The following FAM78B variants were observed in gnomAD, a reference collection of about 807,000 sequenced individuals.
The protein encoded by FAM78B is family with sequence similarity 78 member B.
Under a neutral mutation model 20.0 loss-of-function variants are expected in FAM78B, and 10 were observed. The observed-to-expected ratio is 0.50, with a 90% CI of 0.31 to 0.85. The LOEUF (loss-of-function observed/expected upper bound fraction) is 0.85. Ranked by LOEUF, FAM78B falls within the 40% of genes least tolerant of loss-of-function variation. The pLI is 0.05. For missense variants in FAM78B, 283 were observed against 345.0 expected, an observed-to-expected ratio of 0.82 and a Z score of 1.42; for synonymous variants, 135 against 132.8, an observed-to-expected ratio of 1.02 and a Z score of -0.12.
At chr1:166,073,538 T>TC (rs1652139300) in intron 1 of FAM78B, among the ~76,000 whole-genome samples, 1 of 106,286 alleles carries the variant, frequency 9.4e-6, no homozygotes, top group Non-Finnish European at 2.0e-5. Context: ...CTTTCTCTCT[T>TC]TTTTTTTTTT....
At chr1:166,103,971 C>T (rs910990617) in intron 1 of FAM78B, among the ~76,000 whole-genome samples, 7 of 152,100 alleles carry the variant, frequency 4.6e-5, no homozygotes, top group Non-Finnish European at 8.8e-5. Flanking sequence ...ACTGGCAAAC[C>T]GAATCCAGCA....
intron 1 of FAM78B, among the ~76,000 whole-genome samples, chr1:166,085,591 C>A (rs1652797001): frequency 6.6e-6 from 1 of 152,220 alleles, no homozygotes; most frequent in Non-Finnish European, 1.5e-5. Context: ...ATGAATGAAC[C>A]AGGGCAGGTC....
At chr1:166,093,368 G>T (rs1653153642) in intron 1 of FAM78B, among the ~76,000 whole-genome samples, 1 of 152,136 alleles carries the variant, frequency 6.6e-6, no homozygotes, top group Admixed American at 6.5e-5. Context: ...TCCAAGCAGA[G>T]GTTCCAAGTT....
At chr1:166,142,495 G>C (rs1655316470) in intron 1 of FAM78B, among the ~76,000 whole-genome samples, 1 of 152,178 alleles carries the variant, frequency 6.6e-6, no homozygotes. Context: ...GTGCACAATG[G>C]GATTCCTCCC....
intron 1 of FAM78B, among the ~76,000 whole-genome samples, chr1:166,076,760 G>A (rs943825930): frequency 5.4e-4 from 83 of 152,300 alleles, no homozygotes; most frequent in African/African-American, 1.7e-3. Context: ...AGTGAAAGAT[G>A]AGTGGAGACC....
chr1:166,116,010 C>T (rs1174594363), intron 1 of FAM78B, among the ~76,000 whole-genome samples: 1 of 152,212 alleles, frequency 6.6e-6, no homozygotes, highest in African/African-American at 2.4e-5. Context: ...TCCTACAGAC[C>T]TGTGACTGTG....
intron 1 of FAM78B, among the ~76,000 whole-genome samples, chr1:166,124,085 C>A (rs931023416): frequency 6.6e-6 from 1 of 152,170 alleles, no homozygotes; most frequent in Non-Finnish European, 1.5e-5. Flanking sequence ...TATGCCCCAC[C>A]CCGAGGCTGC....
At chr1:166,060,507 G>C (rs1011329661) in exon 3 of FAM78B, 3 of 906,002 alleles carry the variant, frequency 3.3e-6, no homozygotes, top group African/African-American at 3.4e-5. Context: ...CGGGACGGGA[G>C]GAAGGCGAGG....
chr1:166,092,434 C>T (rs1320879927), intron 1 of FAM78B, among the ~76,000 whole-genome samples: 1 of 152,246 alleles, frequency 6.6e-6, no homozygotes, highest in Non-Finnish European at 1.5e-5. Flanking sequence ...AACACCTCCT[C>T]TACCTCCTTC....
At chr1:166,150,184 T>A (rs1464746332) in intron 1 of FAM78B, among the ~76,000 whole-genome samples, 1 of 92,758 alleles carries the variant, frequency 1.1e-5, no homozygotes, top group Non-Finnish European at 2.3e-5. Context: ...CAGGTGGTTG[T>A]GCCTAGTGCA....
intron 1 of FAM78B, 136 bp downstream of exon 1, chr1:166,165,850 G>T (rs552691898): frequency 2.0e-6 from 2 of 977,544 alleles, no homozygotes; most frequent in East Asian, 2.6e-5. Flanking sequence ...GAGGAGGGAG[G>T]TGGGAGAGGA....
At chr1:166,096,831 A>G (rs1459573720) in intron 1 of FAM78B, among the ~76,000 whole-genome samples, 1 of 152,206 alleles carries the variant, frequency 6.6e-6, no homozygotes, top group Non-Finnish European at 1.5e-5. Context: ...TTCAAAAGAA[A>G]AAGAATGGGG....
At position 166,128,684 on chromosome 1, in the gene FAM78B, T is replaced by C. The variant is rs558286260; in HGVS notation, c.263+37302A>G. ...GGGAGGTTTGGTCTTCGGGCATCTCTTTCCACTTTCCCACTGGGAGAGAAC... is the reference window on the plus strand; with the variant it reads ...GGGAGGTTTGGTCTTCGGGCATCTCCTTCCACTTTCCCACTGGGAGAGAAC... On this transcript the variant is annotated intron_variant, in intron 1 of 1. Coordinates refer to ENST00000354422, the MANE Select transcript of FAM78B (RefSeq NM_001017961.5). Among the ~76,000 whole-genome samples, 5 of 152,336 alleles carry C rather than the reference T, an allele frequency of 3.3e-5. No homozygotes were observed. The East Asian group carries it at 5.8e-4, about 18-fold the overall frequency.
chr1:166,166,028 C>G lies in FAM78B; in HGVS notation c.221G>C (p.Cys74Ser), dbSNP rs772894702. The stretch of plus-strand genomic sequence containing the variant: ...GGTGTTGAAGAACTCCATCTGATTG[C>G]ACGCCTGAATCCAGCCCACCACCCA... ...ETWVVGWIQA[C>S]NQMEFFNTYS... The change falls in exon 1 of 2, where the codon TGC becomes TCC. Residue 74 changes from cysteine to serine, a missense_variant. Physicochemically the swap from Cys to Ser is moderately radical, Grantham distance 112. Coordinates refer to ENST00000354422, the MANE Select transcript of FAM78B (RefSeq NM_001017961.5). 3.7e-6 allele frequency: 6 copies of G among 1,613,972 alleles called. No individual in the cohort carries two copies. In the Admixed American group the frequency reaches 1.0e-4, roughly 27 times the overall value.
intron 1 of FAM78B, among the ~76,000 whole-genome samples, chr1:166,098,721 C>A (rs1355187098): frequency 6.6e-6 from 1 of 151,922 alleles, no homozygotes; most frequent in East Asian, 1.9e-4. Context: ...ATGAACAAAG[C>A]CTGCAAGAAG....
At chr1:166,160,042 G>C (rs757664774) in intron 1 of FAM78B, among the ~76,000 whole-genome samples, 18 of 152,198 alleles carry the variant, frequency 1.2e-4, no homozygotes, top group Non-Finnish European at 2.2e-4. Context: ...TTTCCAGACC[G>C]TGAGCCTCCT....
intron 1 of FAM78B, among the ~76,000 whole-genome samples, chr1:166,121,697 C>T (rs964798973): frequency 5.3e-5 from 8 of 152,154 alleles, no homozygotes; most frequent in African/African-American, 1.9e-4. Context: ...TTTACATGTG[C>T]TAACTTGTTT....
At chr1:166,114,333 T>C (rs577275810) in intron 1 of FAM78B, among the ~76,000 whole-genome samples, 51 of 152,316 alleles carry the variant, frequency 3.3e-4, no homozygotes, top group African/African-American at 1.2e-3. Flanking sequence ...GACAAGAGCT[T>C]GTGCTGAAGC....
At chr1:166,144,926 G>A (rs1433918900) in intron 1 of FAM78B, among the ~76,000 whole-genome samples, 1 of 152,110 alleles carries the variant, frequency 6.6e-6, no homozygotes, top group Non-Finnish European at 1.5e-5. Context: ...CCATGGAAGG[G>A]AGAAGTTTGG....
Sources: gnomAD v4.1 joint callset for allele counts (sites outside exome capture counted in the v4.1 genomes callset) on GRCh38, gnomAD v4.1.1 for gene constraint, MANE v1.5 for transcripts, NCBI Gene and HGNC (gene_info 2026-07-23, HGNC 2026-07-21) for gene names.